Variants in CPNE3 observed in about 807,000 individuals in gnomAD.
CPNE3 encodes copine 3.
A neutral mutation model predicts 63.9 loss-of-function variants in CPNE3; 68 were observed. The observed-to-expected ratio is 1.06, with a 90% CI of 0.87 to 1.30. The LOEUF is 1.30. CPNE3 is among the 50% of genes most tolerant of loss of function. The pLI is 0.00. For missense variants in CPNE3, 665 were observed against 578.1 expected, an observed-to-expected ratio of 1.15 and a Z score of -1.54; for synonymous variants, 219 against 197.5, an observed-to-expected ratio of 1.11 and a Z score of -0.91.
chr8:86,543,690 T>G (rs1335121113), intron 8 of CPNE3, among the ~76,000 whole-genome samples: 1 of 152,162 alleles, frequency 6.6e-6, no homozygotes, highest in Non-Finnish European at 1.5e-5. Flanking sequence ...CTGTAAGTCT[T>G]AGTTCTGCAA....
chr8:86,530,404 A>G (rs999545941), intron 4 of CPNE3, among the ~76,000 whole-genome samples: 1 of 152,126 alleles, frequency 6.6e-6, no homozygotes, highest in Non-Finnish European at 1.5e-5. Context: ...TTGTGGGCTC[A>G]AGCAATCCTC....
chr8:86,558,318 T>G lies in CPNE3; in HGVS notation c.1522T>G (p.Leu508Val), dbSNP rs777338573. 1 of 872,984 alleles carries G rather than the reference T, an allele frequency of 1.1e-6. No individual in the cohort carries two copies. The highest frequency in any genetic ancestry group is 2.0e-6 in the Non-Finnish European group (1 of 501,668). The allele number at this position is 872,984 out of a possible 1,614,324, so 54.1% of individuals were successfully genotyped here. Residue 508 changes from leucine to valine, a missense_variant, in exon 17 of 17, where the codon TTG (leucine) becomes GTG (valine). Leu to Val is a conservative substitution (Grantham distance 32, BLOSUM62 1). Coordinates refer to ENST00000517490, the MANE Select transcript of CPNE3 (RefSeq NM_003909.5). ...AAAAGAAGCACTTGCTCAGTGTGTC[T>G]TGGCAGAGATTCCCCAGCAGGTGGT... ...APKEALAQCVLAEIPQQVVGY... is the reference protein window; with the variant it reads ...APKEALAQCVVAEIPQQVVGY...
At chr8:86,530,225 C>T (rs187619324) in intron 4 of CPNE3, among the ~76,000 whole-genome samples, 1 of 146,144 alleles carries the variant, frequency 6.8e-6, no homozygotes, top group Non-Finnish European at 1.5e-5. Flanking sequence ...GCTGGAGTGT[C>T]GTGGCTCAAT....
At chr8:86,526,916 A>G (rs1820554248) in intron 2 of CPNE3, among the ~76,000 whole-genome samples, 1 of 152,268 alleles carries the variant, frequency 6.6e-6, no homozygotes, top group Non-Finnish European at 1.5e-5. Flanking sequence ...GATTTTTGAC[A>G]TATGTTGAGG....
In CPNE3 at chr8:86,533,307, C is replaced by T. The variant is rs541000944; in HGVS notation, c.459+727C>T. On this transcript the variant is annotated intron_variant, in intron 6 of 16. Transcript: ENST00000517490. ...CCTGTAATCCCAGCACTTTGGGAGG[C>T]CGAGGTGGGGAGATCACTTGAGCTC... Among the ~76,000 whole-genome samples, 3 of 152,100 alleles carry T rather than the reference C, an allele frequency of 2.0e-5. No individual in the cohort carries two copies. The South Asian group carries it at 6.2e-4, about 32-fold the overall frequency.
rs1821434625 is a variant in CPNE3, at chr8:86,561,251, CA to C, written c.*2842del. ...ATGTGGTTAGTAGTCATGGAAATGA[CA>C]CATAAAGTACGCCAGAAGTTTGATG... On this transcript the variant is annotated 3_prime_UTR_variant, in exon 17 of 17. Coordinates refer to ENST00000517490, the MANE Select transcript of CPNE3 (RefSeq NM_003909.5). 1 of 152,248 alleles carries C rather than the reference CA, an allele frequency of 6.6e-6. No individual in the cohort carries two copies. The highest frequency in any genetic ancestry group is 1.5e-5 in the Non-Finnish European group (1 of 68,018). 9.4% of individuals were successfully genotyped at this position (152,248 alleles called of 1,614,324 possible).
At chr8:86,548,178 G>A in intron 11 of CPNE3, 123 bp from the exon 12 acceptor site, 2 of 899,110 alleles carry the variant, frequency 2.2e-6, no homozygotes, top group Non-Finnish European at 1.7e-6. Context: ...ATAGTGGTAG[G>A]CATTTGTTAG....
chr8:86,517,475 C>T (rs943498793), intron 2 of CPNE3, among the ~76,000 whole-genome samples: 2 of 152,074 alleles, frequency 1.3e-5, no homozygotes, highest in Admixed American at 6.6e-5. Flanking sequence ...TTCAAGGTGA[C>T]GGTCAGTACC....
Position 86,529,019 on chromosome 8 carries a change from T to C in CPNE3, c.207T>C (p.Phe69=). The C allele has an allele frequency of 6.2e-7, 1 of 1,613,800 alleles. No homozygotes were observed. Among genetic ancestry groups the C allele is most frequent in the Non-Finnish European group, 8.5e-7 (1 of 1,179,732 alleles). Residue 69 remains phenylalanine, a synonymous_variant, in exon 4 of 17, where the codon TTT becomes TTC. Transcript: ENST00000517490. Reference sequence around the variant, plus strand: ...AGACATTTATTATTGATTACTACTTTGAAGTGGTTCAGAAATTGAAATTTG... The same window carrying C: ...AGACATTTATTATTGATTACTACTTCGAAGTGGTTCAGAAATTGAAATTTG... ...FSKTFIIDYY[F]EVVQKLKFGV...
At chr8:86,532,175 A>G (rs545951102) in intron 5 of CPNE3, among the ~76,000 whole-genome samples, 1 of 152,306 alleles carries the variant, frequency 6.6e-6, no homozygotes, top group South Asian at 2.1e-4. Flanking sequence ...CATGCTTCTC[A>G]GTGTTTAGGG....
chr8:86,525,221 A>G (rs1045595070), intron 2 of CPNE3, among the ~76,000 whole-genome samples: 22 of 152,266 alleles, frequency 1.4e-4, no homozygotes, highest in African/African-American at 4.8e-4. Flanking sequence ...TCCTGGGCTC[A>G]AGCAATCCTA....
intron 2 of CPNE3, among the ~76,000 whole-genome samples, chr8:86,521,236 C>G (rs1820429208): frequency 6.6e-6 from 1 of 152,142 alleles, no homozygotes; most frequent in African/African-American, 2.4e-5. Flanking sequence ...AACTTGCTTT[C>G]TTAGCCTTAA....
intron 11 of CPNE3, 40 bp downstream of exon 11, chr8:86,547,810 TC>T: frequency 1.1e-6 from 1 of 920,744 alleles, no homozygotes. Flanking sequence ...GGCTTTTTCC[TC>T]CATGTTGCAG....
At chr8:86,536,031 G>A (rs921412164) in intron 6 of CPNE3, among the ~76,000 whole-genome samples, 15 of 151,726 alleles carry the variant, frequency 9.9e-5, no homozygotes, top group Non-Finnish European at 1.6e-4. Flanking sequence ...TTATAATCAC[G>A]TAAAAAATTT....
At chr8:86,545,942 A>G (rs1174582933) in intron 9 of CPNE3, among the ~76,000 whole-genome samples, 1 of 152,176 alleles carries the variant, frequency 6.6e-6, no homozygotes, top group Non-Finnish European at 1.5e-5. Context: ...ATCAGAGAAG[A>G]CTAGAGTAGC....
At chr8:86,547,598 G>A (rs1242217291) in intron 10 of CPNE3, 113 bp from the exon 11 acceptor site, 3 of 655,276 alleles carry the variant, frequency 4.6e-6, no homozygotes, top group East Asian at 5.7e-5. Flanking sequence ...TAATTTCCAT[G>A]TTTATATCAT....
chr8:86,540,480 A>T (rs1192782098), intron 8 of CPNE3, 146 bp downstream of exon 8: 8 of 371,962 alleles, frequency 2.2e-5, no homozygotes. Flanking sequence ...GAATACTAAA[A>T]TAGAAATGTC....
intron 14 of CPNE3, among the ~76,000 whole-genome samples, chr8:86,551,677 T>C (rs919032255): frequency 6.6e-6 from 1 of 152,250 alleles, no homozygotes; most frequent in Non-Finnish European, 1.5e-5. Context: ...AAGAGAAAAG[T>C]ATCCAGCATC....
At chr8:86,516,174 A>G (rs1056070562) in intron 2 of CPNE3, among the ~76,000 whole-genome samples, 3 of 152,176 alleles carry the variant, frequency 2.0e-5, no homozygotes, top group Non-Finnish European at 4.4e-5. Context: ...TTAGGACCCC[A>G]CAGACCAAAA....
Sources: allele counts gnomAD v4.1 joint callset (sites outside exome capture counted in the v4.1 genomes callset), GRCh38; gene constraint gnomAD v4.1.1; transcripts MANE v1.5; gene names NCBI Gene and HGNC (gene_info 2026-07-23, HGNC 2026-07-21).